TAFA1: variants seen among roughly 807,000 people sequenced by gnomAD.
TAFA1 encodes the protein TAFA chemokine like family member 1, also known as chemokine-like protein TAFA-1.
In TAFA1, 4 loss-of-function variants were observed where a neutral mutation model predicts 18.5. The observed-to-expected ratio is 0.22, with a 90% CI of 0.11 to 0.49. The LOEUF is 0.49. TAFA1 is among the 20% of genes least tolerant of loss of function. The probability of loss-of-function intolerance (pLI) is 0.98; values close to 1 mark genes in which losing one functional copy is unlikely to be tolerated. For synonymous variants in TAFA1, 56 were observed against 55.2 expected, an observed-to-expected ratio of 1.01 and a Z score of -0.06; for missense variants, 147 against 169.0, an observed-to-expected ratio of 0.87 and a Z score of 0.72.
At chr3:68,082,037 T>A (rs556609260) in intron 2 of TAFA1, among the ~76,000 whole-genome samples, 1 of 152,252 alleles carries the variant, frequency 6.6e-6, no homozygotes, top group Non-Finnish European at 1.5e-5. Context: ...TTAAGCCCAT[T>A]GGAAAAGCGC....
intron 3 of TAFA1, among the ~76,000 whole-genome samples, chr3:68,493,990 A>G (rs189457204): frequency 6.6e-6 from 1 of 152,338 alleles, no homozygotes; most frequent in Admixed American, 6.5e-5. Flanking sequence ...TGCTTGCTGT[A>G]TAATCATGGT....
At chr3:68,402,246 G>A (rs2070509689) in intron 2 of TAFA1, among the ~76,000 whole-genome samples, 1 of 152,068 alleles carries the variant, frequency 6.6e-6, no homozygotes, top group South Asian at 2.1e-4. Flanking sequence ...ATGCAAACTT[G>A]TCTCTGTTAT....
intron 2 of TAFA1, among the ~76,000 whole-genome samples, chr3:68,414,304 T>A (rs568329937): frequency 6.6e-6 from 1 of 152,146 alleles, no homozygotes; most frequent in South Asian, 2.1e-4. Context: ...CGAAACGCCA[T>A]ATCAAAACAA....
At chr3:68,271,369 T>C (rs2067663650) in intron 2 of TAFA1, among the ~76,000 whole-genome samples, 9 of 152,086 alleles carry the variant, frequency 5.9e-5, no homozygotes, top group Admixed American at 4.6e-4. Context: ...ACCAATCATA[T>C]TGTCCAGGGG....
intron 3 of TAFA1, among the ~76,000 whole-genome samples, chr3:68,496,539 C>G (rs553435590): frequency 6.6e-6 from 1 of 152,278 alleles, no homozygotes; most frequent in East Asian, 1.9e-4. Flanking sequence ...AACTGCCAGT[C>G]CTACAAGTAA....
At chr3:68,260,646 C>A (rs543214045) in intron 2 of TAFA1, among the ~76,000 whole-genome samples, 1 of 152,110 alleles carries the variant, frequency 6.6e-6, no homozygotes, top group African/African-American at 2.4e-5. Context: ...CTTTGACAAA[C>A]CTGACAAAAA....
At chr3:68,256,000 C>G (rs762174928) in intron 2 of TAFA1, among the ~76,000 whole-genome samples, 16 of 152,054 alleles carry the variant, frequency 1.1e-4, no homozygotes, top group Admixed American at 2.6e-4. Flanking sequence ...AGAATACTAA[C>G]TCTGCTAGAG....
intron 2 of TAFA1, among the ~76,000 whole-genome samples, chr3:68,191,835 T>C (rs532360903): frequency 6.6e-6 from 1 of 151,962 alleles, no homozygotes; most frequent in South Asian, 2.1e-4. Flanking sequence ...GGAGGCCTGA[T>C]TGATATAGTT....
intron 3 of TAFA1, among the ~76,000 whole-genome samples, chr3:68,508,710 C>T: frequency 6.6e-6 from 1 of 151,924 alleles, no homozygotes; most frequent in East Asian, 1.9e-4. Flanking sequence ...CACCAATAGA[C>T]ATAATATATA....
intron 2 of TAFA1, among the ~76,000 whole-genome samples, chr3:68,180,066 C>T (rs1027386989): frequency 5.0e-5 from 7 of 139,172 alleles, no homozygotes; most frequent in Non-Finnish European, 1.1e-4. Flanking sequence ...CTTACTCTGT[C>T]ACCCAGGCTG....
At chr3:68,162,783 C>G (rs2065941408) in intron 2 of TAFA1, among the ~76,000 whole-genome samples, 1 of 152,184 alleles carries the variant, frequency 6.6e-6, no homozygotes. Context: ...ATATAATATA[C>G]TCTTGCCTCT....
At chr3:68,364,560 C>T (rs550189738) in intron 2 of TAFA1, among the ~76,000 whole-genome samples, 3 of 152,176 alleles carry the variant, frequency 2.0e-5, no homozygotes, top group South Asian at 2.1e-4. Flanking sequence ...TCTAGAGGAA[C>T]GTATTTATCT....
At chr3:68,383,322 T>C (rs72628605) in intron 2 of TAFA1, among the ~76,000 whole-genome samples, 4,611 of 152,278 alleles carry the variant, frequency 0.03, 94 homozygotes, top group East Asian at 0.093. Context: ...GCTGTGGGTT[T>C]GTCGTAGATG....
At chr3:68,020,575 C>A (rs950484191) in intron 2 of TAFA1, among the ~76,000 whole-genome samples, 3 of 151,940 alleles carry the variant, frequency 2.0e-5, no homozygotes, top group Non-Finnish European at 2.9e-5. Flanking sequence ...AATGTCAGAG[C>A]AAGGATGGAA....
intron 3 of TAFA1, among the ~76,000 whole-genome samples, chr3:68,513,563 T>C (rs1017291747): frequency 2.0e-5 from 3 of 152,180 alleles, no homozygotes; most frequent in African/African-American, 7.2e-5. Flanking sequence ...ATCTTTTCTG[T>C]GGATGTAGAC....
rs563619225 is a variant in TAFA1, at chr3:68,486,441, A to G, written c.260-52315A>G. Among the ~76,000 whole-genome samples the G allele has an allele frequency of 1.2e-4, 19 of 152,234 alleles. 1 individual carries two copies. Among genetic ancestry groups the G allele is most frequent in the Admixed American group, 9.8e-4 (15 of 15,290 alleles). ...TGGTCGTTCCCATTTGCAGCACCTG[A>G]TCTGTACCATGCCTCCAACATGAGA... On this transcript the variant is annotated intron_variant, in intron 3 of 4. Coordinates refer to ENST00000478136, the MANE Select transcript of TAFA1 (RefSeq NM_213609.4).
intron 2 of TAFA1, among the ~76,000 whole-genome samples, chr3:68,058,418 A>C (rs1320324804): frequency 2.6e-5 from 4 of 152,202 alleles, no homozygotes; most frequent in African/African-American, 9.7e-5. Flanking sequence ...ATCTCAGTTT[A>C]TAAGGTGTTC....
In TAFA1 at chr3:68,004,586, T is replaced by C. The variant is rs1422028434; in HGVS notation, c.-120T>C. The C allele has an allele frequency of 6.6e-6, 1 of 151,862 alleles. No individual in the cohort carries two copies. Among genetic ancestry groups the C allele is most frequent in the Non-Finnish European group, 1.5e-5 (1 of 67,962 alleles). 9.4% of individuals were successfully genotyped at this position (151,862 alleles called of 1,614,324 possible). A position where few individuals can be genotyped will look rare whatever the true frequency, so the allele number is the denominator to read the frequency against. ...TTTTTTTTAATCCTGATAAAGAAGA[T>C]TGTTGGGAAGCTCTTTGAAAAAAAA... is the stretch of plus-strand genomic sequence containing the variant. On this transcript the variant is annotated 5_prime_UTR_variant, in exon 1 of 5. Transcript: ENST00000478136.
At chr3:68,147,369 A>G (rs2065754140) in intron 2 of TAFA1, among the ~76,000 whole-genome samples, 1 of 152,010 alleles carries the variant, frequency 6.6e-6, no homozygotes, top group African/African-American at 2.4e-5. Context: ...CTCTCCCAAG[A>G]AAACTCCAAA....
Sources: gnomAD v4.1 joint callset for allele counts (sites outside exome capture counted in the v4.1 genomes callset) on GRCh38, gnomAD v4.1.1 for gene constraint, MANE v1.5 for transcripts, NCBI Gene and HGNC (gene_info 2026-07-23, HGNC 2026-07-21) for gene names.